Variants in UIMC1 observed in about 807,000 individuals in gnomAD.
UIMC1 encodes the protein ubiquitin interaction motif containing 1.
UIMC1 carries 42 observed loss-of-function variants against 84.9 expected under a neutral mutation model. The ratio of observed to expected loss-of-function variants is 0.49; its 90% confidence interval spans 0.39 to 0.64. The LOEUF (loss-of-function observed/expected upper bound fraction) is 0.64, where lower values mean the gene tolerates loss of function less well. Ranked by LOEUF, UIMC1 falls within the 30% of genes least tolerant of loss-of-function variation. The probability of loss-of-function intolerance (pLI) is 0.00; values close to 1 mark genes in which losing one functional copy is unlikely to be tolerated. For missense variants in UIMC1, 825 were observed against 847.6 expected, an observed-to-expected ratio of 0.97 and a Z score of 0.33; for synonymous variants, 281 against 293.0, an observed-to-expected ratio of 0.96 and a Z score of 0.42.
At chr5:177,015,159 G>A (rs1489946474) in intron 1 of UIMC1, among the ~76,000 whole-genome samples, 1 of 152,170 alleles carries the variant, frequency 6.6e-6, no homozygotes, top group Non-Finnish European at 1.5e-5. Context: ...CAAGCAATGT[G>A]CTAAGTAGTT....
At chr5:176,965,161 C>T (rs753987021) in intron 6 of UIMC1, among the ~76,000 whole-genome samples, 2 of 152,164 alleles carry the variant, frequency 1.3e-5, no homozygotes, top group African/African-American at 2.4e-5. Flanking sequence ...GTGGCTCACG[C>T]CTGTAATCCC....
At chr5:176,947,155 A>C (rs1270799289) in intron 9 of UIMC1, among the ~76,000 whole-genome samples, 3 of 152,124 alleles carry the variant, frequency 2.0e-5, no homozygotes, top group African/African-American at 4.8e-5. Flanking sequence ...ACTTCCAACC[A>C]CTGTTCATAG....
Position 176,969,146 on chromosome 5 carries a change from C to G in UIMC1, c.609G>C (p.Gln203His), listed in dbSNP as rs930577156. The G allele has an allele frequency of 1.9e-6, 3 of 1,614,106 alleles. No homozygotes were observed. Among genetic ancestry groups the G allele is most frequent in the African/African-American group, 2.7e-5 (2 of 74,942 alleles). The change falls in exon 6 of 15, where the codon CAG becomes CAC. Residue 203 changes from glutamine to histidine, a missense_variant. Physicochemically the swap from Gln to His is conservative, Grantham distance 24. Transcript: ENST00000511320. ...CATTCTCAAACACTGGCTGGCTTGACTGGTCCCAGCTTCCTGAGCTGCCAG... is the reference window on the plus strand; with the variant it reads ...CATTCTCAAACACTGGCTGGCTTGAGTGGTCCCAGCTTCCTGAGCTGCCAG... ...PVSGSSGSWD[Q>H]SSQPVFENVN...
At chr5:177,006,494 A>ACCCCGGCATCAGGAAGGGCCG (rs1775291429) in intron 1 of UIMC1, 156 bp downstream of exon 1, 1 of 151,456 alleles carries the variant, frequency 6.6e-6, no homozygotes, top group African/African-American at 2.4e-5. Context: ...CGAGAGACAC[A>ACCCCGGCATCAGGAAGGGCCG]CCCCGGCATC....
intron 12 of UIMC1, among the ~76,000 whole-genome samples, chr5:176,907,706 G>T (rs1395108323): frequency 1.3e-5 from 2 of 152,174 alleles, no homozygotes; most frequent in Admixed American, 6.5e-5. Flanking sequence ...CCAGTGACCA[G>T]GGCCCAGACC....
At chr5:177,003,615 T>C (rs980048344) in intron 1 of UIMC1, among the ~76,000 whole-genome samples, 1 of 152,168 alleles carries the variant, frequency 6.6e-6, no homozygotes, top group African/African-American at 2.4e-5. Context: ...ACTGCGCCAC[T>C]GCACTCCAGC....
chr5:176,983,539 A>G (rs1437598352), intron 1 of UIMC1, among the ~76,000 whole-genome samples: 3 of 151,110 alleles, frequency 2.0e-5, no homozygotes, highest in Non-Finnish European at 3.0e-5. Flanking sequence ...TCAATGCTCA[A>G]TGTTGCCCAG....
intron 6 of UIMC1, among the ~76,000 whole-genome samples, chr5:176,966,785 C>T (rs181917105): frequency 3.8e-4 from 58 of 152,100 alleles, no homozygotes; most frequent in African/African-American, 1.4e-3. Context: ...AAAAATAACT[C>T]GGAAACTATC....
intron 1 of UIMC1, among the ~76,000 whole-genome samples, chr5:176,989,328 T>C (rs1228020960): frequency 6.6e-6 from 1 of 152,146 alleles, no homozygotes; most frequent in Non-Finnish European, 1.5e-5. Context: ...CTGCATTTAA[T>C]GCATATTTTT....
intron 7 of UIMC1, 96 bp from the exon 8 acceptor site, chr5:176,956,131 T>A: frequency 8.8e-7 from 1 of 1,142,730 alleles, no homozygotes. Context: ...CCACAGGTAA[T>A]CACAGATACT....
chr5:177,021,777 G>A (rs892558408), intron 1 of UIMC1, among the ~76,000 whole-genome samples: 1 of 152,000 alleles, frequency 6.6e-6, no homozygotes, highest in South Asian at 2.1e-4. Context: ...CTCAGCCTCC[G>A]AGTAGATGGG....
upstream of UIMC1, chr5:177,006,865 C>T (rs923940911): frequency 6.6e-6 from 1 of 152,206 alleles, no homozygotes; most frequent in Non-Finnish European, 1.5e-5. Flanking sequence ...GCGCTGACCG[C>T]CCGTGAGCCG....
intron 10 of UIMC1, among the ~76,000 whole-genome samples, chr5:176,939,235 T>C (rs1278760385): frequency 7.3e-6 from 1 of 136,300 alleles, no homozygotes; most frequent in Non-Finnish European, 1.5e-5. Context: ...CCAGCCTGGG[T>C]GACAGAGTGA....
intron 6 of UIMC1, 80 bp from the exon 7 acceptor site, chr5:176,958,234 G>A: frequency 8.5e-7 from 1 of 1,176,178 alleles, no homozygotes; most frequent in Non-Finnish European, 1.2e-6. Flanking sequence ...AAATTTAATT[G>A]TTCAATGTTC....
chr5:176,906,620 C>T (rs1759421088), intron 13 of UIMC1, among the ~76,000 whole-genome samples: 1 of 152,222 alleles, frequency 6.6e-6, no homozygotes, highest in Non-Finnish European at 1.5e-5. Context: ...ACAATTCTTG[C>T]AATCTATGAG....
chr5:176,981,726 T>A (rs750891109), intron 2 of UIMC1, among the ~76,000 whole-genome samples: 4 of 151,116 alleles, frequency 2.6e-5, no homozygotes, highest in Non-Finnish European at 5.9e-5. Flanking sequence ...AGAAGGAAGG[T>A]GGAGTGAGCT....
intron 10 of UIMC1, among the ~76,000 whole-genome samples, chr5:176,932,694 G>A (rs566995096): frequency 6.6e-6 from 1 of 152,062 alleles, no homozygotes; most frequent in African/African-American, 2.4e-5. Flanking sequence ...TTTCTATTCA[G>A]TGGAAGAAGG....
chr5:176,911,479 G>C (rs565347262), intron 10 of UIMC1, 90 bp from the exon 11 acceptor site: 1 of 879,920 alleles, frequency 1.1e-6, no homozygotes, highest in Admixed American at 3.7e-5. Context: ...AAGAAGCAAA[G>C]TTTAAAACCT....
intron 1 of UIMC1, chr5:177,001,419 T>C (rs1397504510): frequency 6.6e-6 from 1 of 152,196 alleles, no homozygotes; most frequent in Non-Finnish European, 1.5e-5. Context: ...AGACATACCA[T>C]GCCCACAGGT....
Sources: gnomAD v4.1 joint callset for allele counts (sites outside exome capture counted in the v4.1 genomes callset) on GRCh38, gnomAD v4.1.1 for gene constraint, MANE v1.5 for transcripts, NCBI Gene and HGNC (gene_info 2026-07-23, HGNC 2026-07-21) for gene names.